Variants in TPTE2 observed in about 807,000 individuals in gnomAD.
The protein encoded by TPTE2 is phosphatidylinositol 3,4,5-trisphosphate 3-phosphatase TPTE2.
TPTE2 carries 53 observed loss-of-function variants against 78.6 expected under a neutral mutation model. That is an observed-to-expected ratio of 0.67 (90% confidence interval 0.54 to 0.85). The LOEUF (loss-of-function observed/expected upper bound fraction) is 0.85, where lower values mean the gene tolerates loss of function less well. TPTE2 is among the 40% of genes least tolerant of loss of function. TPTE2 has a pLI of 0.00. For synonymous variants in TPTE2, 175 were observed against 206.2 expected, an observed-to-expected ratio of 0.85 and a Z score of 1.30; for missense variants, 461 against 623.0, an observed-to-expected ratio of 0.74 and a Z score of 2.77.
the TPTE2 span, among the ~76,000 whole-genome samples, chr13:19,546,368 G>A: frequency 6.6e-6 from 1 of 151,680 alleles, no homozygotes; most frequent in Non-Finnish European, 1.5e-5. Flanking sequence ...AACTGGGCCA[G>A]GCACAGTAGC....
chr13:19,428,739 A>G (rs1368103714), intron 17 of TPTE2, among the ~76,000 whole-genome samples: 1 of 152,142 alleles, frequency 6.6e-6, no homozygotes, highest in Non-Finnish European at 1.5e-5. Context: ...AGGAAAAAAA[A>G]AAAGGAAAGG....
intron 5 of TPTE2, 88 bp downstream of exon 8, chr13:19,475,485 C>G (rs1391926286): frequency 2.0e-6 from 3 of 1,473,770 alleles, no homozygotes; most frequent in Non-Finnish European, 2.8e-6. Context: ...CTCAGCCCCC[C>G]AGAGTGCTGG....
chr13:19,498,317 G>A (rs558340476), intron 1 of TPTE2, among the ~76,000 whole-genome samples: 155 of 151,262 alleles, frequency 1.0e-3, no homozygotes, highest in Non-Finnish European at 1.2e-3. Flanking sequence ...GATACTCCTC[G>A]AGAAGAGCAA....
intron 1 of TPTE2, among the ~76,000 whole-genome samples, chr13:19,518,145 C>T (rs963233867): frequency 2.0e-5 from 3 of 152,148 alleles, no homozygotes; most frequent in Non-Finnish European, 4.4e-5. Context: ...ACCTCATTGA[C>T]TCAAGCTATC....
chr13:19,494,195 A>G (rs1241392150), intron 1 of TPTE2, among the ~76,000 whole-genome samples: 1 of 152,208 alleles, frequency 6.6e-6, no homozygotes, highest in Non-Finnish European at 1.5e-5. Context: ...GCGACAAGAC[A>G]GTAACAGATG....
intron 18 of TPTE2, 73 bp downstream of exon 21, chr13:19,426,352 A>T: frequency 1.9e-6 from 2 of 1,073,302 alleles, no homozygotes; most frequent in African/African-American, 1.5e-5. Context: ...TGGGAATTGT[A>T]GTAAAGCAAA....
chr13:19,503,538 C>A (rs993442019), upstream of TPTE2, among the ~76,000 whole-genome samples: 1 of 151,670 alleles, frequency 6.6e-6, no homozygotes, highest in Non-Finnish European at 1.5e-5. Context: ...AGTCCCAATG[C>A]GTGACAGCCT....
At chr13:19,504,001 A>T (rs1299099376), upstream of TPTE2, among the ~76,000 whole-genome samples, 1 of 151,924 alleles carries the variant, frequency 6.6e-6, no homozygotes, top group Non-Finnish European at 1.5e-5. Flanking sequence ...CGGCCTCCCA[A>T]AGTGCTGGGA....
intron 10 of TPTE2, among the ~76,000 whole-genome samples, chr13:19,460,718 C>G (rs1454101056): frequency 6.6e-6 from 1 of 152,122 alleles, no homozygotes; most frequent in Non-Finnish European, 1.5e-5. Context: ...AGAGGTACTC[C>G]TTCCACCTCT....
At chr13:19,556,153 G>A in the TPTE2 span, among the ~76,000 whole-genome samples, 1 of 152,012 alleles carries the variant, frequency 6.6e-6, no homozygotes, top group South Asian at 2.1e-4. Flanking sequence ...ATTTGAGCTG[G>A]GGAGAGGCGA....
chr13:19,504,860 C>T (rs1467490585), upstream of TPTE2, among the ~76,000 whole-genome samples: 1 of 151,984 alleles, frequency 6.6e-6, no homozygotes, highest in Non-Finnish European at 1.5e-5. Flanking sequence ...CTCCCTTTCT[C>T]TCTCTCCCTG....
chr13:19,448,205 G>A lies in TPTE2; in HGVS notation c.973+1871C>T, dbSNP rs1374694260. Among the ~76,000 whole-genome samples, 8 of 152,200 alleles carry A rather than the reference G, an allele frequency of 5.3e-5. No homozygotes were observed. In the South Asian group the frequency reaches 1.2e-3, roughly 24 times the overall value. ...CAAAGTAAATGCTTAACTGTGAAAC[G>A]TGAAATTGGAAAACTACTAGAAGAA... is the stretch of plus-strand genomic sequence containing the variant. On this transcript the variant is annotated intron_variant, in intron 13 of 19. Transcript: ENST00000400230.
the TPTE2 span, among the ~76,000 whole-genome samples, chr13:19,559,645 C>A: frequency 2.0e-5 from 3 of 151,578 alleles, no homozygotes; most frequent in African/African-American, 7.3e-5. Context: ...GATTAAGCAG[C>A]AGCAAAAGCA....
chr13:19,483,777 A>G (rs915732767), intron 3 of TPTE2, among the ~76,000 whole-genome samples: 5 of 152,006 alleles, frequency 3.3e-5, no homozygotes, highest in Non-Finnish European at 7.4e-5. Flanking sequence ...ATTGCTAAAA[A>G]CATACTTCTT....
rs192521129 is a variant in TPTE2 at position 19,486,571 on chromosome 13, C to A, written c.120-4024G>T. 1.5e-4 allele frequency among the ~76,000 whole-genome samples: 23 copies of A among 152,284 alleles called. No individual in the cohort carries two copies. In the East Asian group the frequency reaches 4.4e-3, roughly 29 times the overall value. ...CGCAGGCACACAGCTGTTTGCCTGG[C>A]CTGGAAGCATGCACTCCAGGAGTGG... On this transcript the variant is annotated intron_variant, in intron 3 of 19. Transcript: ENST00000400230. This position sits in a 1 kb window ranked among gnomAD's most constrained non-coding sequence, Gnocchi z 4.3.
At chr13:19,560,832 G>C in the TPTE2 span, 11 of 1,536,278 alleles carry the variant, frequency 7.2e-6, no homozygotes, top group Non-Finnish European at 9.7e-6. Flanking sequence ...GTCCAGGCGC[G>C]CTCCCGCAGG....
At chr13:19,480,164 A>C (rs1386192973) in intron 4 of TPTE2, among the ~76,000 whole-genome samples, 7 of 152,120 alleles carry the variant, frequency 4.6e-5, no homozygotes, top group African/African-American at 1.7e-4. Context: ...GGCAGGTGCT[A>C]TCTCTCCCAC....
At chr13:19,552,219 A>G in the TPTE2 span, among the ~76,000 whole-genome samples, 1 of 152,214 alleles carries the variant, frequency 6.6e-6, no homozygotes, top group Non-Finnish European at 1.5e-5. Flanking sequence ...TCCAAAATTG[A>G]AGTATAATCT....
chr13:19,542,219 A>T, the TPTE2 span, among the ~76,000 whole-genome samples: 139 of 152,208 alleles, frequency 9.1e-4, 1 homozygote, highest in East Asian at 0.022. Context: ...CAGTGGCACG[A>T]TCATAGCTCA....
Sources: gnomAD v4.1 joint callset for allele counts (sites outside exome capture counted in the v4.1 genomes callset) on GRCh38, gnomAD v4.1.1 for gene constraint, Gnocchi (gnomAD v3.1) non-coding constraint, MANE v1.5 for transcripts, NCBI Gene and HGNC (gene_info 2026-07-23, HGNC 2026-07-21) for gene names.